TYR: variants seen among roughly 807,000 people sequenced by gnomAD.
TYR encodes the protein tyrosinase, also known as LB24-AB.
A neutral mutation model predicts 51.5 loss-of-function variants in TYR; 58 were observed. That is an observed-to-expected ratio of 1.13 (90% confidence interval 0.91 to 1.40). The LOEUF is 1.40. Ranked by LOEUF, TYR falls within the 40% of genes most tolerant of loss-of-function variation. The pLI is 0.00. For synonymous variants in TYR, 263 were observed against 235.2 expected (o/e 1.12, Z -1.08); for missense variants, 732 against 647.4 (o/e 1.13, Z -1.42).
intron 2 of TYR, among the ~76,000 whole-genome samples, chr11:89,202,622 T>TACACACACACACACACACACAC (rs10526067): frequency 0.088 from 12,343 of 140,944 alleles, 736 homozygotes; most frequent in African/African-American, 0.13. Context: ...ATTTTCATAA[T>TACACACACACACACACACACAC]ACACACACAC....
At chr11:89,242,143 A>G (rs1394013197) in intron 3 of TYR, among the ~76,000 whole-genome samples, 3 of 152,146 alleles carry the variant, frequency 2.0e-5, no homozygotes, top group African/African-American at 7.2e-5. Flanking sequence ...ATGAGTGTCC[A>G]GGATAAAATT....
Position 89,245,650 on chromosome 11 carries a change from T to C in TYR, c.1184+17680T>C, listed in dbSNP as rs369405166. On this transcript the variant is annotated intron_variant, in intron 3 of 4. Coordinates refer to ENST00000263321, the MANE Select transcript of TYR (RefSeq NM_000372.5). Reference sequence around the variant, plus strand: ...AGAATCTGGAGGAACAGGCTGGGCGTGGTGGCTCACGCCTGTAATCCCAGC... The same window carrying C: ...AGAATCTGGAGGAACAGGCTGGGCGCGGTGGCTCACGCCTGTAATCCCAGC... Among the ~76,000 whole-genome samples the C allele has an allele frequency of 5.0e-4, 76 of 151,896 alleles. 1 individual carries two copies. The highest frequency in any genetic ancestry group is 3.4e-3 in the Middle Eastern group (1 of 292).
chr11:89,254,288 G>A (rs1202298043), intron 3 of TYR, among the ~76,000 whole-genome samples: 3 of 151,218 alleles, frequency 2.0e-5, no homozygotes, highest in Admixed American at 6.6e-5. Flanking sequence ...GTAGTTTTTT[G>A]TTGTTATTGT....
At chr11:89,231,665 A>G (rs1360295535) in intron 3 of TYR, among the ~76,000 whole-genome samples, 1 of 142,378 alleles carries the variant, frequency 7.0e-6, no homozygotes, top group Non-Finnish European at 1.5e-5. Context: ...GGGAAGTTGG[A>G]CAAATGATAC....
intron 3 of TYR, among the ~76,000 whole-genome samples, chr11:89,255,819 C>A (rs1386353436): frequency 6.6e-6 from 1 of 151,338 alleles, no homozygotes; most frequent in African/African-American, 2.4e-5. Context: ...CTAATTAGAC[C>A]TTTGTTCATT....
intron 3 of TYR, among the ~76,000 whole-genome samples, chr11:89,249,996 T>A (rs1052795456): frequency 6.6e-6 from 1 of 152,008 alleles, no homozygotes; most frequent in African/African-American, 2.4e-5. Flanking sequence ...ACTGATCTAG[T>A]TATTTCTATT....
intron 3 of TYR, among the ~76,000 whole-genome samples, chr11:89,237,613 G>T (rs1944134942): frequency 6.6e-6 from 1 of 152,066 alleles, no homozygotes; most frequent in Non-Finnish European, 1.5e-5. Flanking sequence ...ATATTTTGCA[G>T]TCAGATACTG....
At chr11:89,229,585 C>T (rs1944019698) in intron 3 of TYR, among the ~76,000 whole-genome samples, 1 of 151,540 alleles carries the variant, frequency 6.6e-6, no homozygotes, top group Non-Finnish European at 1.5e-5. Context: ...GAAAAACTAT[C>T]AAAATATGAA....
intron 3 of TYR, among the ~76,000 whole-genome samples, chr11:89,282,320 CA>C (rs1211589289): frequency 2.0e-5 from 3 of 151,716 alleles, no homozygotes; most frequent in African/African-American, 7.3e-5. Flanking sequence ...CAAAATTTGA[CA>C]GGGGTGGTGG....
intron 2 of TYR, among the ~76,000 whole-genome samples, chr11:89,213,397 T>G (rs545694520): frequency 1.3e-5 from 2 of 152,238 alleles, no homozygotes; most frequent in South Asian, 4.1e-4. Flanking sequence ...TAAGGACCTC[T>G]TCAAAGAGGA....
chr11:89,270,639 T>C (rs1018765725), intron 3 of TYR, among the ~76,000 whole-genome samples: 1 of 151,932 alleles, frequency 6.6e-6, no homozygotes, highest in Non-Finnish European at 1.5e-5. Flanking sequence ...TTCTGATATC[T>C]AAACACTAAA....
chr11:89,286,768 C>A (rs560295443), intron 4 of TYR, among the ~76,000 whole-genome samples: 106 of 151,898 alleles, frequency 7.0e-4, no homozygotes, highest in Non-Finnish European at 1.3e-3. Context: ...TCACTAAGAA[C>A]AGAGAAATTT....
rs1435428139 is a variant in TYR at position 89,245,547 on chromosome 11, G to A, written c.1184+17577G>A. Among the ~76,000 whole-genome samples the A allele has an allele frequency of 4.6e-5, 7 of 152,196 alleles. No homozygotes were observed. In the East Asian group the frequency reaches 1.3e-3, roughly 29 times the overall value. On this transcript the variant is annotated intron_variant, in intron 3 of 4. Coordinates refer to ENST00000263321, the MANE Select transcript of TYR (RefSeq NM_000372.5). ...AGCAGTGCAGTTACTGCTGCAGGAG[G>A]CATTCCAAGCAAAGCAAGTTGATAA...
rs144054049 is a variant in TYR at position 89,235,306 on chromosome 11, C to T, written c.1184+7336C>T. Among the ~76,000 whole-genome samples the T allele has an allele frequency of 7.4e-4, 113 of 152,290 alleles. 2 individuals carry two copies. The highest frequency in any genetic ancestry group is 2.4e-3 in the African/African-American group (100 of 41,560). On this transcript the variant is annotated intron_variant, in intron 3 of 4. Transcript: ENST00000263321. ...AAAGATAGAATCATCATATGATCCA[C>T]TCATTCCACTTCTGACTATATATCA...
intron 3 of TYR, among the ~76,000 whole-genome samples, chr11:89,282,562 A>G (rs558811082): frequency 1.3e-5 from 2 of 151,528 alleles, no homozygotes; most frequent in Admixed American, 1.3e-4. Flanking sequence ...TATTTTCTCT[A>G]TTTTACATAA....
intron 4 of TYR, among the ~76,000 whole-genome samples, chr11:89,288,720 A>T (rs1944822395): frequency 6.6e-6 from 1 of 151,992 alleles, no homozygotes; most frequent in Admixed American, 6.6e-5. Context: ...TTTGGGCAAC[A>T]CAGCAAGACT....
intron 2 of TYR, among the ~76,000 whole-genome samples, chr11:89,216,989 A>G (rs1943840622): frequency 6.6e-6 from 1 of 152,212 alleles, no homozygotes; most frequent in Admixed American, 6.5e-5. Context: ...TTAGATTATT[A>G]TTAGGAAAAA....
At chr11:89,203,030 T>G (rs1317248982) in intron 2 of TYR, among the ~76,000 whole-genome samples, 1 of 152,206 alleles carries the variant, frequency 6.6e-6, no homozygotes, top group Non-Finnish European at 1.5e-5. Flanking sequence ...TTCTTTGATA[T>G]CTAAAAAGCT....
intron 2 of TYR, chr11:89,192,044 A>T (rs777038892): frequency 2.2e-6 from 1 of 454,294 alleles, no homozygotes; most frequent in South Asian, 1.6e-5. Context: ...AAGTTCATTC[A>T]TTTAACTGTA....
Sources: gnomAD v4.1 joint callset for allele counts (sites outside exome capture counted in the v4.1 genomes callset) on GRCh38, gnomAD v4.1.1 for gene constraint, MANE v1.5 for transcripts, NCBI Gene and HGNC (gene_info 2026-07-23, HGNC 2026-07-21) for gene names.